CACNA2D2: variants seen among roughly 807,000 people sequenced by gnomAD.
The protein encoded by CACNA2D2 is calcium voltage-gated channel auxiliary subunit alpha2delta 2.
A neutral mutation model predicts 166.4 loss-of-function variants in CACNA2D2; 48 were observed. That is an observed-to-expected ratio of 0.29 (90% CI 0.23 to 0.37). CACNA2D2 has a LOEUF of 0.37. Among genes scored for constraint, CACNA2D2 ranks in the 10% least tolerant of loss-of-function variants. CACNA2D2 has a pLI of 1.00. For synonymous variants in CACNA2D2, 561 were observed against 573.7 expected, an observed-to-expected ratio of 0.98 and a Z score of 0.32; for missense variants, 1,122 against 1,433.0, an observed-to-expected ratio of 0.78 and a Z score of 3.50.
intron 2 of CACNA2D2, among the ~76,000 whole-genome samples, chr3:50,446,725 G>A (rs954016577): frequency 6.6e-6 from 1 of 152,226 alleles, no homozygotes; most frequent in Non-Finnish European, 1.5e-5. Context: ...AGGATAACAA[G>A]CCCCTAATTC....
chr3:50,380,170 G>T lies in CACNA2D2; in HGVS notation c.843-152C>A, dbSNP rs1276590135. 1 of 746,738 alleles carries T rather than the reference G, an allele frequency of 1.3e-6. No individual in the cohort carries two copies. 46.3% of individuals were successfully genotyped at this position (746,738 alleles called of 1,614,324 possible). On this transcript the variant is annotated intron_variant, in intron 8 of 37. Coordinates refer to ENST00000424201, the MANE Select transcript of CACNA2D2 (RefSeq NM_006030.4). This position sits in a 1 kb window ranked among gnomAD's most constrained non-coding sequence, Gnocchi z 4.9. Reference sequence around the variant, plus strand: ...ATGCACCGATGATACCACATTTAACGAAACAGACACAGTCCTTGCCCATGA... The same window carrying T: ...ATGCACCGATGATACCACATTTAACTAAACAGACACAGTCCTTGCCCATGA...
intron 1 of CACNA2D2, 94 bp from the exon 2 acceptor site, chr3:50,476,293 C>A (rs779842789): frequency 2.2e-6 from 2 of 890,120 alleles, no homozygotes; most frequent in Non-Finnish European, 1.8e-6. Context: ...GGGCAACTAT[C>A]CACTCACACC....
chr3:50,489,404 C>T (rs1316146298), intron 1 of CACNA2D2, among the ~76,000 whole-genome samples: 2 of 152,220 alleles, frequency 1.3e-5, no homozygotes, highest in Non-Finnish European at 2.9e-5. Flanking sequence ...AATCACTAGG[C>T]TTAATGGCCT....
At chr3:50,424,753 A>G (rs1047059168) in intron 3 of CACNA2D2, among the ~76,000 whole-genome samples, 8 of 152,200 alleles carry the variant, frequency 5.3e-5, no homozygotes. Context: ...TGAGGCACCC[A>G]GTATCCCAGG....
intron 1 of CACNA2D2, among the ~76,000 whole-genome samples, chr3:50,481,911 G>A (rs1282917494): frequency 3.9e-5 from 6 of 152,174 alleles, no homozygotes; most frequent in African/African-American, 9.7e-5. Flanking sequence ...TTGGAGGATC[G>A]CTGAGCCTGG....
At chr3:50,408,658 C>T (rs1706839209) in intron 3 of CACNA2D2, among the ~76,000 whole-genome samples, 1 of 152,186 alleles carries the variant, frequency 6.6e-6, no homozygotes, top group African/African-American at 2.4e-5. Context: ...TTGTCAGAGC[C>T]GTGGGACACG....
chr3:50,479,171 C>CT (rs1250031708), intron 1 of CACNA2D2, among the ~76,000 whole-genome samples: 2 of 152,192 alleles, frequency 1.3e-5, no homozygotes, highest in African/African-American at 4.8e-5. Context: ...CTCTCCCTCC[C>CT]TCCTTGTCTC....
At chr3:50,502,179 C>A (rs1001433340) in intron 1 of CACNA2D2, among the ~76,000 whole-genome samples, 3 of 152,158 alleles carry the variant, frequency 2.0e-5, no homozygotes, top group Non-Finnish European at 2.9e-5. Flanking sequence ...CCAGACCCTT[C>A]CCCTTGGCCA....
upstream of CACNA2D2, chr3:50,503,767 C>G (rs1699091963): frequency 6.6e-6 from 1 of 152,088 alleles, no homozygotes; most frequent in Non-Finnish European, 1.5e-5. Context: ...GGCCACGCGC[C>G]CACCCGTGCC....
At chr3:50,404,795 A>C (rs1706617768) in intron 3 of CACNA2D2, among the ~76,000 whole-genome samples, 1 of 152,034 alleles carries the variant, frequency 6.6e-6, no homozygotes, top group South Asian at 2.1e-4. Context: ...TTTATAGTCC[A>C]CCTAACTTCT....
At chr3:50,458,860 C>T (rs551175319) in intron 2 of CACNA2D2, among the ~76,000 whole-genome samples, 8 of 152,334 alleles carry the variant, frequency 5.3e-5, no homozygotes, top group African/African-American at 1.7e-4. Flanking sequence ...GCTAGAAGAC[C>T]GGGAGAACCT....
intron 3 of CACNA2D2, among the ~76,000 whole-genome samples, chr3:50,431,328 C>A (rs1346947644): frequency 6.6e-6 from 1 of 152,078 alleles, no homozygotes; most frequent in Non-Finnish European, 1.5e-5. Context: ...GTGATCCTCC[C>A]CCTCCTCTGG....
intron 1 of CACNA2D2, among the ~76,000 whole-genome samples, chr3:50,480,811 G>T (rs377480764): frequency 9.8e-6 from 1 of 101,914 alleles, no homozygotes; most frequent in African/African-American, 4.0e-5. Context: ...GCTCAGGGGA[G>T]GGGGAGGGTA....
chr3:50,365,604 T>C lies in CACNA2D2; in HGVS notation c.2971+29A>G, dbSNP rs373418252. 3,304 of 1,573,172 alleles carry C rather than the reference T, an allele frequency of 2.1e-3. 17 individuals are homozygous for C. Among genetic ancestry groups the C allele is most frequent in the Non-Finnish European group, 2.3e-3 (2,637 of 1,158,882 alleles). On this transcript the variant is annotated intron_variant, in intron 34 of 37. Transcript: ENST00000424201. This position sits in a 1 kb window ranked among gnomAD's most constrained non-coding sequence, Gnocchi z 4.5. ...TTAGCTCAGATTGGGGACCCGGACT[T>C]GAGGAGGCGCCTCCAAAGCCCTACC... is the stretch of plus-strand genomic sequence containing the variant.
chr3:50,366,166 G>C lies in CACNA2D2; in HGVS notation c.2710-3C>G. Reference sequence around the variant, plus strand: ...ACCTCACTGAAGAACCTGCCCACCTGAGGATGTCAGGAGAAAGCCATGGTC... The same window carrying C: ...ACCTCACTGAAGAACCTGCCCACCTCAGGATGTCAGGAGAAAGCCATGGTC... On this transcript the variant is annotated splice_polypyrimidine_tract_variant and splice_region_variant and intron_variant, in intron 31 of 37. Transcript: ENST00000424201. This position sits in a 1 kb window ranked among gnomAD's most constrained non-coding sequence, Gnocchi z 5.9. The C allele has an allele frequency of 1.2e-6, 2 of 1,613,980 alleles. No individual in the cohort carries two copies. Among genetic ancestry groups the C allele is most frequent in the Non-Finnish European group, 1.7e-6 (2 of 1,179,972 alleles).
chr3:50,447,144 C>CG (rs1415246317), intron 2 of CACNA2D2, among the ~76,000 whole-genome samples: 1 of 152,150 alleles, frequency 6.6e-6, no homozygotes, highest in Non-Finnish European at 1.5e-5. Context: ...GGAGAGCTTC[C>CG]GGGGGAGGGG....
chr3:50,438,678 C>T (rs2106910036), intron 2 of CACNA2D2, among the ~76,000 whole-genome samples: 1 of 152,274 alleles, frequency 6.6e-6, no homozygotes, highest in South Asian at 2.1e-4. Context: ...AGACAGCCAC[C>T]ACAGGAAACT....
chr3:50,449,019 C>T (rs78775118), intron 2 of CACNA2D2, among the ~76,000 whole-genome samples: 3 of 152,328 alleles, frequency 2.0e-5, no homozygotes, highest in East Asian at 3.9e-4. Context: ...ATCACGAAAA[C>T]GACTGATCTT....
intron 3 of CACNA2D2, among the ~76,000 whole-genome samples, chr3:50,417,973 C>G (rs759005757): frequency 6.6e-6 from 1 of 152,088 alleles, no homozygotes; most frequent in African/African-American, 2.4e-5. Context: ...ACATGTGCTA[C>G]AGTGGGAGGA....
Sources: allele counts gnomAD v4.1 joint callset (sites outside exome capture counted in the v4.1 genomes callset), GRCh38; gene constraint gnomAD v4.1.1; non-coding constraint Gnocchi (gnomAD v3.1); transcripts MANE v1.5; gene names NCBI Gene and HGNC (gene_info 2026-07-23, HGNC 2026-07-21).